MAML3: variants seen among roughly 807,000 people sequenced by gnomAD.
MAML3 encodes mastermind-like protein 3.
Under a neutral mutation model 101.9 loss-of-function variants are expected in MAML3, and 27 were observed. The ratio of observed to expected loss-of-function variants is 0.27; its 90% CI spans 0.20 to 0.37. MAML3 has a LOEUF of 0.37. Ranked by LOEUF, MAML3 falls within the 10% of genes least tolerant of loss-of-function variation. The probability of loss-of-function intolerance (pLI) is 1.00; values close to 1 mark genes in which losing one functional copy is unlikely to be tolerated. For synonymous variants in MAML3, 501 were observed against 555.9 expected, an observed-to-expected ratio of 0.90 and a Z score of 1.39; for missense variants, 1,316 against 1,444.9, an observed-to-expected ratio of 0.91 and a Z score of 1.45.
chr4:139,761,577 T>C (rs1028722589), intron 2 of MAML3, among the ~76,000 whole-genome samples: 2 of 152,204 alleles, frequency 1.3e-5, no homozygotes, highest in African/African-American at 2.4e-5. Flanking sequence ...CACATTCTCA[T>C]GCACAGATGC....
At chr4:139,783,932 C>A (rs925188302) in intron 2 of MAML3, among the ~76,000 whole-genome samples, 1 of 152,186 alleles carries the variant, frequency 6.6e-6, no homozygotes, top group Admixed American at 6.5e-5. Flanking sequence ...ACGCATTTAG[C>A]GGTCTGTTTT....
intron 2 of MAML3, among the ~76,000 whole-genome samples, chr4:139,745,160 C>T (rs1458537164): frequency 2.6e-5 from 4 of 152,108 alleles, no homozygotes; most frequent in Admixed American, 2.0e-4. Context: ...GAGCGGCCAC[C>T]TGCAAGGAGG....
intron 1 of MAML3, among the ~76,000 whole-genome samples, chr4:140,106,447 G>A (rs965562364): frequency 2.6e-5 from 4 of 152,174 alleles, no homozygotes; most frequent in Admixed American, 1.3e-4. Context: ...TCCAACAGAA[G>A]CATGCATTTG....
chr4:140,139,070 G>A (rs1226469304), intron 1 of MAML3, among the ~76,000 whole-genome samples: 1 of 152,100 alleles, frequency 6.6e-6, no homozygotes, highest in Non-Finnish European at 1.5e-5. Context: ...TCAGGAGTTT[G>A]AGACCAGCCT....
intron 1 of MAML3, among the ~76,000 whole-genome samples, chr4:140,110,300 C>A (rs912098647): frequency 6.6e-6 from 1 of 152,234 alleles, no homozygotes; most frequent in African/African-American, 2.4e-5. Context: ...ATGCAGCAGG[C>A]ACAGCGACAC....
chr4:139,965,471 C>T (rs1438175646), intron 1 of MAML3, among the ~76,000 whole-genome samples: 1 of 150,746 alleles, frequency 6.6e-6, no homozygotes, highest in Non-Finnish European at 1.5e-5. Flanking sequence ...CTACAATTGC[C>T]TTTGAGAATG....
intron 2 of MAML3, among the ~76,000 whole-genome samples, chr4:139,839,812 A>G (rs902411089): frequency 5.9e-5 from 9 of 152,114 alleles, no homozygotes; most frequent in African/African-American, 2.2e-4. Context: ...GCAGAGAGAC[A>G]AGGAGATAGT....
chr4:140,089,574 A>G (rs1207633502), intron 1 of MAML3, among the ~76,000 whole-genome samples: 4 of 152,252 alleles, frequency 2.6e-5, no homozygotes, highest in Non-Finnish European at 5.9e-5. Flanking sequence ...ATTTAAAATA[A>G]GCTTTTTACT....
intron 1 of MAML3, among the ~76,000 whole-genome samples, chr4:139,955,888 T>G (rs527716636): frequency 7.6e-4 from 116 of 152,310 alleles, no homozygotes; most frequent in African/African-American, 2.7e-3. Context: ...TCTGTCAGCC[T>G]GGGCCCCTGA....
intron 1 of MAML3, among the ~76,000 whole-genome samples, chr4:139,975,710 T>C (rs908883384): frequency 2.6e-5 from 4 of 152,106 alleles, no homozygotes; most frequent in Non-Finnish European, 4.4e-5. Flanking sequence ...AATGAAGGCA[T>C]GAATATAATG....
rs558618214 is a variant in MAML3, at chr4:140,075,160, G to A, written c.468+77700C>T. Among the ~76,000 whole-genome samples, 4 of 152,222 alleles carry A rather than the reference G, an allele frequency of 2.6e-5. No homozygotes were observed. The South Asian group carries it at 8.3e-4, about 32-fold the overall frequency. On this transcript the variant is annotated intron_variant, in intron 1 of 4. Transcript: ENST00000509479. ...AACATTTCTGTGAGGCAGGTTATTA[G>A]TGCCAATTTATCCATAAGAAGGCTG...
At chr4:139,815,305 CA>C (rs1730875349) in intron 2 of MAML3, among the ~76,000 whole-genome samples, 1 of 152,148 alleles carries the variant, frequency 6.6e-6, no homozygotes, top group African/African-American at 2.4e-5. Context: ...TCTCTTACAA[CA>C]GGTAAATATG....
chr4:140,087,901 T>C (rs1727983896), intron 1 of MAML3, among the ~76,000 whole-genome samples: 3 of 152,140 alleles, frequency 2.0e-5, no homozygotes, highest in African/African-American at 7.2e-5. Flanking sequence ...GAAAATGAGA[T>C]TATATTTAGC....
chr4:139,903,437 C>T lies in MAML3; in HGVS notation c.469-12470G>A, dbSNP rs117020211. 7.5e-4 allele frequency among the ~76,000 whole-genome samples: 114 copies of T among 152,324 alleles called. No homozygotes were observed. In the East Asian group the frequency reaches 0.015, roughly 21 times the overall value. Reference sequence around the variant, plus strand: ...ATGTACCCTTATTACAGAATCTTTACGGCTAATAACCTTCTGGACGGCAAT... The same window carrying T: ...ATGTACCCTTATTACAGAATCTTTATGGCTAATAACCTTCTGGACGGCAAT... On this transcript the variant is annotated intron_variant, in intron 1 of 4. Coordinates refer to ENST00000509479, the MANE Select transcript of MAML3 (RefSeq NM_018717.5).
At chr4:139,801,643 G>GGTGTGTGTGTGTGTGT (rs755484864) in intron 2 of MAML3, among the ~76,000 whole-genome samples, 1 of 30,738 alleles carries the variant, frequency 3.3e-5, no homozygotes, top group African/African-American at 8.7e-5. Flanking sequence ...GGTGTGTGTG[G>GGTGTGTGTGTGTGTGT]GTGTGTGTGT....
intron 1 of MAML3, among the ~76,000 whole-genome samples, chr4:139,957,071 G>A (rs1445783647): frequency 1.3e-5 from 2 of 152,176 alleles, no homozygotes; most frequent in East Asian, 3.8e-4. Flanking sequence ...TCACACAGCT[G>A]GAATATGGCA....
intron 1 of MAML3, among the ~76,000 whole-genome samples, chr4:140,083,931 C>T (rs539411358): frequency 1.6e-3 from 105 of 65,560 alleles, no homozygotes; most frequent in African/African-American, 5.6e-3. Flanking sequence ...CACACACGCG[C>T]GCACACACAC....
intron 2 of MAML3, among the ~76,000 whole-genome samples, chr4:139,800,549 A>G (rs1020004019): frequency 6.6e-6 from 1 of 152,234 alleles, no homozygotes; most frequent in Admixed American, 6.5e-5. Flanking sequence ...GAGATTTTCA[A>G]AAGAGGAGGA....
rs563957755 is a variant in MAML3, at chr4:139,856,790, TTTG to T, written c.2079+32564_2079+32566del. Reference sequence around the variant, plus strand: ...AGAAAGTACATCAACAAGTATAATCTTTGTTATTATTGAATAATTTGTAACTCT... The same window carrying T: ...AGAAAGTACATCAACAAGTATAATCTTTATTATTGAATAATTTGTAACTCT... On this transcript the variant is annotated intron_variant, in intron 2 of 4. Coordinates refer to ENST00000509479, the MANE Select transcript of MAML3 (RefSeq NM_018717.5). 1.0e-3 allele frequency among the ~76,000 whole-genome samples: 158 copies of T among 152,340 alleles called. 1 individual carries two copies. The highest frequency in any genetic ancestry group is 3.6e-3 in the African/African-American group (150 of 41,568).
Sources: allele counts gnomAD v4.1 joint callset (sites outside exome capture counted in the v4.1 genomes callset), GRCh38; gene constraint gnomAD v4.1.1; transcripts MANE v1.5; gene names NCBI Gene and HGNC (gene_info 2026-07-23, HGNC 2026-07-21).